WWOX: variants seen among roughly 807,000 people sequenced by gnomAD.
WWOX encodes the protein WW domain-containing oxidoreductase.
In WWOX, 69 loss-of-function variants were observed where a neutral mutation model predicts 46.2. That is an observed-to-expected ratio of 1.49 (90% CI 1.23 to 1.82). WWOX has a LOEUF of 1.82. Among genes scored for constraint, WWOX ranks in the 40% most tolerant of loss-of-function variants. The pLI is 0.00. For missense variants in WWOX, 919 were observed against 542.6 expected, an observed-to-expected ratio of 1.69 and a Z score of -6.89; for synonymous variants, 359 against 202.6, an observed-to-expected ratio of 1.77 and a Z score of -6.56.
chr16:78,497,094 C>CT (rs1383483398), intron 8 of WWOX, among the ~76,000 whole-genome samples: 1 of 152,226 alleles, frequency 6.6e-6, no homozygotes, highest in Non-Finnish European at 1.5e-5. Context: ...TATTGTATGC[C>CT]TTTTGCTTTG....
chr16:78,232,909 T>C (rs763755638), intron 5 of WWOX, among the ~76,000 whole-genome samples: 2 of 152,128 alleles, frequency 1.3e-5, no homozygotes, highest in Non-Finnish European at 2.9e-5. Context: ...TGGTGCTATT[T>C]CGGCTAACTG....
chr16:78,551,863 G>C lies in WWOX; in HGVS notation c.1056+119111G>C, dbSNP rs1054881386. 7 of 152,308 alleles carry C rather than the reference G, an allele frequency of 4.6e-5. No homozygotes were observed. The East Asian group carries it at 9.7e-4, about 21-fold the overall frequency. 9.4% of individuals were successfully genotyped at this position (152,308 alleles called of 1,614,324 possible). ...AACCACTTTCAGCTTTCCCGTTCCAGGGTTAAGTGCCCAAGCAGGTGTTGT... is the reference window on the plus strand; with the variant it reads ...AACCACTTTCAGCTTTCCCGTTCCACGGTTAAGTGCCCAAGCAGGTGTTGT... On this transcript the variant is annotated intron_variant, in intron 8 of 8. Coordinates refer to ENST00000566780, the MANE Select transcript of WWOX (RefSeq NM_016373.4).
At chr16:78,729,711 T>A (rs1309118715) in intron 8 of WWOX, among the ~76,000 whole-genome samples, 1 of 152,184 alleles carries the variant, frequency 6.6e-6, no homozygotes, top group East Asian at 1.9e-4. Flanking sequence ...GGCACCCAGT[T>A]TGTGGTAATT....
intron 8 of WWOX, among the ~76,000 whole-genome samples, chr16:78,986,205 C>A (rs1415773086): frequency 6.6e-6 from 1 of 152,152 alleles, no homozygotes; most frequent in Admixed American, 6.5e-5. Flanking sequence ...ACATATGCAG[C>A]GCGCTTGCAA....
chr16:78,991,196 C>T (rs2151347246), intron 8 of WWOX, among the ~76,000 whole-genome samples: 1 of 152,304 alleles, frequency 6.6e-6, no homozygotes, highest in Middle Eastern at 3.4e-3. Flanking sequence ...GAGAAATTCT[C>T]ACCACTGTGC....
chr16:78,651,847 G>A (rs141621225), intron 8 of WWOX, among the ~76,000 whole-genome samples: 2,252 of 152,232 alleles, frequency 0.015, 28 homozygotes, highest in Non-Finnish European at 0.023. Context: ...TTATTCTTTC[G>A]GAGCCTTAGT....
At chr16:78,711,478 T>A (rs1185241898) in intron 8 of WWOX, among the ~76,000 whole-genome samples, 2 of 152,204 alleles carry the variant, frequency 1.3e-5, no homozygotes, top group African/African-American at 2.4e-5. Context: ...ATGTATCAAC[T>A]AAGAAGACTA....
intron 8 of WWOX, among the ~76,000 whole-genome samples, chr16:78,611,925 C>G (rs145302800): frequency 6.6e-6 from 1 of 152,170 alleles, no homozygotes. Context: ...AAGCCAGAAG[C>G]CAATGAGCTA....
intron 8 of WWOX, among the ~76,000 whole-genome samples, chr16:78,608,497 AGGGAAACCG>A (rs2045819169): frequency 1.3e-5 from 2 of 152,178 alleles, no homozygotes; most frequent in South Asian, 4.1e-4. Context: ...CCCTTTCAGC[AGGGAAACCG>A]GAGTTCTCCC....
intron 8 of WWOX, among the ~76,000 whole-genome samples, chr16:78,633,780 G>C (rs1224243690): frequency 6.6e-6 from 1 of 152,218 alleles, no homozygotes. Context: ...CCAGGCTGTG[G>C]TGTGCGGTGC....
chr16:78,284,514 G>A lies in WWOX; in HGVS notation c.517-102346G>A, dbSNP rs373142063. Among the ~76,000 whole-genome samples the A allele has an allele frequency of 4.4e-4, 67 of 152,190 alleles. 2 individuals are homozygous for A. The East Asian group carries it at 0.011, about 26-fold the overall frequency. ...AATGTGTTGTTTGAGATGAACCATC[G>A]TTTCAAATGTCACTTACTTCTTGTT... On this transcript the variant is annotated intron_variant, in intron 5 of 8. Transcript: ENST00000566780.
chr16:78,529,166 G>A (rs753819591), intron 8 of WWOX, among the ~76,000 whole-genome samples: 1 of 151,604 alleles, frequency 6.6e-6, no homozygotes, highest in South Asian at 2.1e-4. Flanking sequence ...TATTGCCCAG[G>A]CTGGTCTTGA....
chr16:78,683,416 T>C (rs984865745), intron 8 of WWOX, among the ~76,000 whole-genome samples: 3 of 152,018 alleles, frequency 2.0e-5, no homozygotes, highest in African/African-American at 4.8e-5. Context: ...GGTGTGTGCC[T>C]GTAATCCCAG....
chr16:79,016,874 AT>A (rs1428811918), intron 8 of WWOX: 3 of 151,818 alleles, frequency 2.0e-5, no homozygotes, highest in Admixed American at 1.3e-4. Flanking sequence ...CCCTCTGTGT[AT>A]TTTCTCATCG....
At chr16:78,983,870 C>CTTTTTTTTTTTTTTTTTT (rs760130115) in intron 8 of WWOX, among the ~76,000 whole-genome samples, 2 of 79,844 alleles carry the variant, frequency 2.5e-5, no homozygotes, top group Non-Finnish European at 4.4e-5. Context: ...GAGAGCTATT[C>CTTTTTTTTTTTTTTTTTT]TTTTTTTTTT....
At chr16:78,472,618 G>A (rs985222098) in intron 8 of WWOX, among the ~76,000 whole-genome samples, 10 of 151,926 alleles carry the variant, frequency 6.6e-5, no homozygotes, top group Non-Finnish European at 1.0e-4. Flanking sequence ...AGACCAGCCT[G>A]ACCAACATGT....
At chr16:79,157,997 T>C (rs2050414982) in intron 8 of WWOX, among the ~76,000 whole-genome samples, 2 of 152,154 alleles carry the variant, frequency 1.3e-5, no homozygotes, top group Non-Finnish European at 2.9e-5. Context: ...AAGTTCTGGA[T>C]TGGTTGGGTT....
Position 78,946,510 on chromosome 16 carries a change from T to C in WWOX, c.1057-265098T>C, listed in dbSNP as rs182072098. ...CTGGCCTCTTTCTGTTTCAAAGAAA[T>C]AGTCAAGAAGTTTCTAGATGCACAC... is the stretch of plus-strand genomic sequence containing the variant. On this transcript the variant is annotated intron_variant, in intron 8 of 8. Transcript: ENST00000566780. Among the ~76,000 whole-genome samples, 5 of 152,160 alleles carry C rather than the reference T, an allele frequency of 3.3e-5. No homozygotes were observed. In the East Asian group the frequency reaches 9.7e-4, roughly 29 times the overall value.
chr16:79,173,085 C>A (rs938687970), intron 8 of WWOX, among the ~76,000 whole-genome samples: 1 of 152,184 alleles, frequency 6.6e-6, no homozygotes, highest in African/African-American at 2.4e-5. Flanking sequence ...CCAGGATTCT[C>A]TGCAGAAGAA....
Sources: allele counts gnomAD v4.1 joint callset (sites outside exome capture counted in the v4.1 genomes callset), GRCh38; gene constraint gnomAD v4.1.1; transcripts MANE v1.5; gene names NCBI Gene and HGNC (gene_info 2026-07-23, HGNC 2026-07-21).